The following PDXDC1 variants were observed in gnomAD, a reference collection of about 807,000 sequenced individuals.
PDXDC1 encodes pyridoxal dependent decarboxylase domain containing 1, also known as pyridoxal-dependent decarboxylase domain-containing protein 1.
PDXDC1 carries 42 observed loss-of-function variants against 100.1 expected under a neutral mutation model. The ratio of observed to expected loss-of-function variants is 0.42; its 90% CI spans 0.33 to 0.54. The LOEUF (loss-of-function observed/expected upper bound fraction) is 0.54, where lower values mean the gene tolerates loss of function less well. Ranked by LOEUF, PDXDC1 falls within the 20% of genes least tolerant of loss-of-function variation. PDXDC1 has a pLI of 0.10. For synonymous variants in PDXDC1, 260 were observed against 371.7 expected, an observed-to-expected ratio of 0.70 and a Z score of 3.46; for missense variants, 636 against 979.2, an observed-to-expected ratio of 0.65 and a Z score of 4.68.
chr16:15,058,827 G>A (rs534576847), intron 16 of PDXDC1, among the ~76,000 whole-genome samples: 2 of 152,270 alleles, frequency 1.3e-5, no homozygotes, highest in Middle Eastern at 6.8e-3. Context: ...AGAGATGGGG[G>A]TCTCACTATG....
intron 16 of PDXDC1, among the ~76,000 whole-genome samples, chr16:15,131,990 GGGGGATAAGGGAGGGGAAGGGGGATAA>G (rs1255142262): frequency 3.0e-3 from 22 of 7,452 alleles, no homozygotes; most frequent in African/African-American, 4.5e-3. Context: ...AGGAGGAGCA[GGGGGATAAGGGAGGGGAAGGGGGATAA>G]GGGGATAAGG....
intron 16 of PDXDC1, among the ~76,000 whole-genome samples, chr16:15,098,963 T>C (rs1287143117): frequency 4.6e-5 from 7 of 152,034 alleles, no homozygotes; most frequent in Non-Finnish European, 8.8e-5. Flanking sequence ...CCAGTGTCGA[T>C]TGGGTTACAG....
chr16:15,003,799 A>G (rs62038558), intron 4 of PDXDC1, among the ~76,000 whole-genome samples: 35,773 of 144,802 alleles, frequency 0.25, 1,681 homozygotes, highest in East Asian at 0.43. Flanking sequence ...CCTGGCCAAC[A>G]TGGTGAAACC....
intron 16 of PDXDC1, chr16:15,046,201 CAG>C (rs1252188856): frequency 6.6e-6 from 1 of 152,352 alleles, no homozygotes; most frequent in African/African-American, 2.4e-5. Flanking sequence ...GCACAGACCA[CAG>C]AGGGAGAATT....
chr16:15,145,058 C>CT, the PDXDC1 span, among the ~76,000 whole-genome samples: 13 of 152,200 alleles, frequency 8.5e-5, 1 homozygote, highest in African/African-American at 3.1e-4. Flanking sequence ...CCTTATGCTC[C>CT]TGATGGGCAC....
chr16:14,992,925 T>C (rs1250954523), intron 1 of PDXDC1, among the ~76,000 whole-genome samples: 3 of 152,310 alleles, frequency 2.0e-5, no homozygotes, highest in African/African-American at 7.2e-5. Flanking sequence ...AATCATAGCT[T>C]ACTGTAGCCT....
intron 21 of PDXDC1, among the ~76,000 whole-genome samples, chr16:15,034,929 AGAGACT>A (rs1454137496): frequency 1.3e-5 from 2 of 152,220 alleles, no homozygotes; most frequent in Non-Finnish European, 2.9e-5. Flanking sequence ...GTGGCAATGC[AGAGACT>A]GAAGCATGGA....
At position 15,006,370 on chromosome 16, in the gene PDXDC1, A is replaced by G. The variant is rs1974245935; in HGVS notation, c.390-24A>G. The G allele has an allele frequency of 3.3e-6, 5 of 1,519,146 alleles. No individual in the cohort carries two copies. The East Asian group carries it at 7.0e-5, about 21-fold the overall frequency. The allele number at this position is 1,519,146 out of a possible 1,614,324, so 94.1% of individuals were successfully genotyped here. ...ACAATCCTTAACTAGAAATAAGAGC[A>G]TATTAATATGTATCTCTTAACAGAT... On this transcript the variant is annotated intron_variant, in intron 5 of 22. Coordinates refer to ENST00000396410, the MANE Select transcript of PDXDC1 (RefSeq NM_015027.4).
chr16:14,999,526 T>G (rs1972705963), intron 3 of PDXDC1, among the ~76,000 whole-genome samples: 1 of 152,232 alleles, frequency 6.6e-6, no homozygotes, highest in Non-Finnish European at 1.5e-5. Flanking sequence ...CTGAACAACA[T>G]GGCGAGACCC....
chr16:15,041,166 A>T, downstream of PDXDC1: 1 of 1,200,206 alleles, frequency 8.3e-7, no homozygotes, highest in South Asian at 1.2e-5. Flanking sequence ...AAGAAATACC[A>T]AATGATTATT....
At chr16:15,003,980 A>G (rs1408785050) in intron 4 of PDXDC1, among the ~76,000 whole-genome samples, 5 of 152,290 alleles carry the variant, frequency 3.3e-5, no homozygotes, top group Non-Finnish European at 7.3e-5. Flanking sequence ...GGGAGACTCC[A>G]TCTCAGAAAA....
downstream of PDXDC1, chr16:15,038,587 T>A (rs769303140): frequency 4.4e-6 from 7 of 1,580,620 alleles, no homozygotes; most frequent in Non-Finnish European, 1.7e-6. Context: ...TAGTATTTGC[T>A]TGTCATCTTG....
At chr16:15,128,207 A>G in intron 16 of PDXDC1, 2 of 1,611,082 alleles carry the variant, frequency 1.2e-6, no homozygotes, top group East Asian at 2.2e-5. Flanking sequence ...AGAGCTTGGC[A>G]GGGTCCGCAC....
downstream of PDXDC1, chr16:15,038,831 C>T (rs983911492): frequency 8.6e-6 from 5 of 583,666 alleles, no homozygotes; most frequent in Admixed American, 1.7e-4. Flanking sequence ...CAAAAGCTGC[C>T]AGCTACTGAA....
chr16:15,150,257 C>T, the PDXDC1 span, among the ~76,000 whole-genome samples: 9 of 151,964 alleles, frequency 5.9e-5, no homozygotes, highest in African/African-American at 1.7e-4. Flanking sequence ...AGGAGAATGG[C>T]GTGAACCCAG....
At chr16:15,134,143 C>T in intron 16 of PDXDC1, 20 of 1,249,728 alleles carry the variant, frequency 1.6e-5, no homozygotes, top group Non-Finnish European at 2.2e-5. Context: ...GCCTGCAGGC[C>T]CCGTCCCCTC....
intron 16 of PDXDC1, among the ~76,000 whole-genome samples, chr16:15,101,562 T>C (rs540291881): frequency 1.7e-4 from 25 of 151,100 alleles, no homozygotes; most frequent in Non-Finnish European, 3.2e-4. Flanking sequence ...ACCCTGTCTC[T>C]ACTAAAAATA....
At chr16:15,102,964 C>T (rs959841349) in intron 16 of PDXDC1, among the ~76,000 whole-genome samples, 1 of 145,000 alleles carries the variant, frequency 6.9e-6, no homozygotes, top group Non-Finnish European at 1.5e-5. Flanking sequence ...AAAAACCAGC[C>T]GGGCATGCTG....
chr16:15,086,422 G>T (rs1317640536), intron 16 of PDXDC1: 2 of 1,613,404 alleles, frequency 1.2e-6, no homozygotes, highest in African/African-American at 2.7e-5. Context: ...TAGAAGAACG[G>T]AATTCTAGCA....
Sources: allele counts gnomAD v4.1 joint callset (sites outside exome capture counted in the v4.1 genomes callset), GRCh38; gene constraint gnomAD v4.1.1; transcripts MANE v1.5; gene names NCBI Gene and HGNC (gene_info 2026-07-23, HGNC 2026-07-21).